The following CNTNAP5 variants were observed in gnomAD, a reference collection of about 807,000 sequenced individuals.
CNTNAP5 encodes contactin associated protein family member 5.
A neutral mutation model predicts 150.2 loss-of-function variants in CNTNAP5; 72 were observed. The observed-to-expected ratio is 0.48, with a 90% CI of 0.40 to 0.58. The LOEUF (loss-of-function observed/expected upper bound fraction) is 0.58. CNTNAP5 is among the 20% of genes least tolerant of loss of function. CNTNAP5 has a pLI of 0.00. For synonymous variants in CNTNAP5, 672 were observed against 619.8 expected (o/e 1.08, Z -1.25); for missense variants, 1,636 against 1,626.2 (o/e 1.01, Z -0.10).
intron 6 of CNTNAP5, among the ~76,000 whole-genome samples, chr2:124,465,274 A>G (rs1437535930): frequency 1.3e-5 from 2 of 152,190 alleles, no homozygotes; most frequent in East Asian, 3.9e-4. Context: ...GACAACAGTA[A>G]ATCCAGCAAG....
At chr2:124,075,435 C>A (rs1482812238) in intron 1 of CNTNAP5, among the ~76,000 whole-genome samples, 1 of 152,110 alleles carries the variant, frequency 6.6e-6, no homozygotes, top group Non-Finnish European at 1.5e-5. Flanking sequence ...TTGTCACAAT[C>A]ACTTTTCTCA....
At chr2:124,832,214 AT>A (rs1558793078) in intron 19 of CNTNAP5, among the ~76,000 whole-genome samples, 1 of 152,054 alleles carries the variant, frequency 6.6e-6, no homozygotes, top group Non-Finnish European at 1.5e-5. Context: ...TTTATCCATA[AT>A]TTTTAAACAA....
intron 19 of CNTNAP5, among the ~76,000 whole-genome samples, chr2:124,824,505 G>A (rs552287197): frequency 1.3e-5 from 2 of 152,242 alleles, no homozygotes; most frequent in South Asian, 4.1e-4. Flanking sequence ...ATCTCACTCT[G>A]AAGGATGCCC....
intron 13 of CNTNAP5, among the ~76,000 whole-genome samples, chr2:124,655,170 G>A (rs928322654): frequency 2.0e-5 from 3 of 151,982 alleles, no homozygotes; most frequent in Non-Finnish European, 4.4e-5. Flanking sequence ...ATGAGCCCCA[G>A]TGTGTGATGT....
chr2:124,547,696 G>C (rs1042915538), intron 10 of CNTNAP5, among the ~76,000 whole-genome samples: 2 of 152,202 alleles, frequency 1.3e-5, no homozygotes, highest in East Asian at 1.9e-4. Context: ...CCCCTTGCAG[G>C]GGTTCTCATA....
chr2:124,892,587 T>G (rs2104749484), intron 21 of CNTNAP5, among the ~76,000 whole-genome samples: 1 of 152,224 alleles, frequency 6.6e-6, no homozygotes, highest in East Asian at 1.9e-4. Flanking sequence ...TAAACTGAGC[T>G]GGGCGGGAGG....
intron 1 of CNTNAP5, among the ~76,000 whole-genome samples, chr2:124,027,819 G>A (rs569233324): frequency 1.3e-5 from 2 of 152,220 alleles, no homozygotes; most frequent in East Asian, 1.9e-4. Context: ...TGATCATTAT[G>A]CTGTACAAAA....
chr2:124,608,714 A>C (rs1379889034), intron 11 of CNTNAP5, among the ~76,000 whole-genome samples: 1 of 152,168 alleles, frequency 6.6e-6, no homozygotes, highest in East Asian at 1.9e-4. Flanking sequence ...TGGGAGGCTG[A>C]GGTGGGTGGA....
At chr2:124,606,279 G>A (rs1359689864) in intron 11 of CNTNAP5, among the ~76,000 whole-genome samples, 5 of 152,010 alleles carry the variant, frequency 3.3e-5, no homozygotes, top group South Asian at 2.1e-4. Context: ...ATGGGGGAAT[G>A]GAAAGTTGTT....
At chr2:124,470,834 C>A (rs1693494756) in intron 6 of CNTNAP5, among the ~76,000 whole-genome samples, 1 of 151,930 alleles carries the variant, frequency 6.6e-6, no homozygotes, top group Middle Eastern at 3.2e-3. Flanking sequence ...AATCTTTTTC[C>A]CATTGCTTAT....
chr2:124,510,247 A>G (rs998927821), intron 8 of CNTNAP5, among the ~76,000 whole-genome samples: 6 of 142,026 alleles, frequency 4.2e-5, no homozygotes, highest in African/African-American at 1.3e-4. Context: ...CTATATATCT[A>G]TATCTATATC....
At chr2:124,170,199 T>C (rs1228766044) in intron 1 of CNTNAP5, among the ~76,000 whole-genome samples, 3 of 151,980 alleles carry the variant, frequency 2.0e-5, no homozygotes, top group Non-Finnish European at 4.4e-5. Context: ...CATATGGTGA[T>C]AGTTATGAAG....
At chr2:124,569,669 C>T (rs951500141) in intron 11 of CNTNAP5, among the ~76,000 whole-genome samples, 2 of 152,188 alleles carry the variant, frequency 1.3e-5, no homozygotes, top group Non-Finnish European at 2.9e-5. Flanking sequence ...TTGCCAATCC[C>T]TTTTCAACAG....
intron 1 of CNTNAP5, among the ~76,000 whole-genome samples, chr2:124,042,754 C>T (rs911245715): frequency 6.6e-6 from 1 of 152,090 alleles, no homozygotes; most frequent in African/African-American, 2.4e-5. Flanking sequence ...TTTTTGTAGA[C>T]CCCCTCTTGC....
intron 13 of CNTNAP5, among the ~76,000 whole-genome samples, chr2:124,733,259 G>T (rs1393079255): frequency 1.3e-5 from 2 of 152,006 alleles, no homozygotes; most frequent in African/African-American, 4.8e-5. Flanking sequence ...ATTGTATAAA[G>T]AAATTGCAAT....
chr2:124,603,462 C>T (rs972530857), intron 11 of CNTNAP5, among the ~76,000 whole-genome samples: 1 of 152,112 alleles, frequency 6.6e-6, no homozygotes, highest in African/African-American at 2.4e-5. Context: ...ACTAAAATAT[C>T]CCATTAATGT....
chr2:124,305,485 G>T (rs1305926197), intron 3 of CNTNAP5, among the ~76,000 whole-genome samples: 3 of 152,126 alleles, frequency 2.0e-5, no homozygotes, highest in Non-Finnish European at 4.4e-5. Flanking sequence ...AAACTATTTT[G>T]CTTAGTTATG....
intron 19 of CNTNAP5, among the ~76,000 whole-genome samples, chr2:124,814,337 T>A (rs1405264502): frequency 6.6e-6 from 1 of 152,068 alleles, no homozygotes; most frequent in Non-Finnish European, 1.5e-5. Flanking sequence ...GAAGCTTTCC[T>A]GGTCCCCTCC....
At chr2:124,142,786 A>G (rs1408215856) in intron 1 of CNTNAP5, among the ~76,000 whole-genome samples, 7 of 148,254 alleles carry the variant, frequency 4.7e-5, no homozygotes, top group African/African-American at 1.5e-4. Context: ...AAATAACTAA[A>G]ATCAGAGCAG....
Sources: allele counts gnomAD v4.1 joint callset (sites outside exome capture counted in the v4.1 genomes callset), GRCh38; gene constraint gnomAD v4.1.1; transcripts MANE v1.5; gene names NCBI Gene and HGNC (gene_info 2026-07-23, HGNC 2026-07-21).